TNRC6A: variants seen among roughly 807,000 people sequenced by gnomAD.
TNRC6A encodes trinucleotide repeat containing adaptor 6A, also known as trinucleotide repeat-containing gene 6A protein.
Under a neutral mutation model 221.2 loss-of-function variants are expected in TNRC6A, and 44 were observed. That is an observed-to-expected ratio of 0.20 (90% CI 0.16 to 0.26). TNRC6A has a LOEUF of 0.26. Ranked by LOEUF, TNRC6A falls within the 10% of genes least tolerant of loss-of-function variation. TNRC6A has a pLI of 1.00. For missense variants in TNRC6A, 2,199 were observed against 2,404.4 expected (o/e 0.91, Z 1.79); for synonymous variants, 847 against 838.5 (o/e 1.01, Z -0.18).
rs1025891449 is a variant in TNRC6A at position 24,791,163 on chromosome 16, G to A, written c.2521G>A (p.Asp841Asn). Reference protein sequence around the residue: ...DSQKNKQGWGDGQKSSQGWSV... With the variant: ...DSQKNKQGWGNGQKSSQGWSV... ...GCAAAAGAATAAACAGGGATGGGGT[G>A]ATGGACAAAAATCAAGCCAAGGGTG... Residue 841 changes from aspartate to asparagine, a missense_variant, in exon 6 of 25, where the codon GAT becomes AAT. By Grantham distance (23) the Asp-to-Asn change is conservative. Coordinates refer to ENST00000395799, the MANE Select transcript of TNRC6A (RefSeq NM_014494.4). 1 of 1,614,002 alleles carries A rather than the reference G, an allele frequency of 6.2e-7. No homozygotes were observed. Among genetic ancestry groups the A allele is most frequent in the Non-Finnish European group, 8.5e-7 (1 of 1,180,026 alleles).
intron 2 of TNRC6A, among the ~76,000 whole-genome samples, chr16:24,684,032 C>A (rs1316421560): frequency 1.3e-5 from 2 of 152,186 alleles, no homozygotes; most frequent in African/African-American, 4.8e-5. Context: ...TTTGTCACCA[C>A]TATTCAACTC....
Position 24,667,826 on chromosome 16 carries a change from G to T in TNRC6A, n.402+26817G>T, listed in dbSNP as rs2055204564. Among the ~76,000 whole-genome samples the T allele has an allele frequency of 2.6e-5, 4 of 152,022 alleles. No individual in the cohort carries two copies. In the South Asian group the frequency reaches 8.3e-4, roughly 32 times the overall value. Reference sequence around the variant, plus strand: ...GGCTGAGGCAGGAGGATGACTTGAGGCCAGGAGTTCAAGACCAGCCTGGGC... The same window carrying T: ...GGCTGAGGCAGGAGGATGACTTGAGTCCAGGAGTTCAAGACCAGCCTGGGC... On this transcript the variant is annotated intron_variant and non_coding_transcript_variant, in intron 2 of 2. Transcript: ENST00000566108.
chr16:24,742,879 C>T (rs144344103), intron 2 of TNRC6A, among the ~76,000 whole-genome samples: 4,575 of 152,114 alleles, frequency 0.03, 241 homozygotes, highest in African/African-American at 0.1. Flanking sequence ...GGCAGTGAGC[C>T]GAGATCGAGC....
At chr16:24,784,036 A>G (rs914794147) in intron 5 of TNRC6A, among the ~76,000 whole-genome samples, 17 of 152,112 alleles carry the variant, frequency 1.1e-4, no homozygotes, top group Admixed American at 6.6e-5. Context: ...TCGCTCTTAC[A>G]TAATGCCCAG....
At chr16:24,660,406 A>G (rs1257348316) in intron 2 of TNRC6A, among the ~76,000 whole-genome samples, 3 of 152,090 alleles carry the variant, frequency 2.0e-5, no homozygotes, top group African/African-American at 7.2e-5. Flanking sequence ...GAATGCCATT[A>G]GTTCATTCCT....
chr16:24,745,903 T>G (rs917008840), intron 2 of TNRC6A, among the ~76,000 whole-genome samples: 1 of 151,722 alleles, frequency 6.6e-6, no homozygotes, highest in Non-Finnish European at 1.5e-5. Flanking sequence ...ACACATTCAC[T>G]TAGATTTTCG....
chr16:24,744,065 T>C (rs552408687), intron 2 of TNRC6A, among the ~76,000 whole-genome samples: 13 of 152,330 alleles, frequency 8.5e-5, no homozygotes, highest in Non-Finnish European at 1.6e-4. Flanking sequence ...TTCAGGACCT[T>C]GATATTTTTA....
At chr16:24,706,563 A>G (rs1287437032) in intron 2 of TNRC6A, among the ~76,000 whole-genome samples, 6 of 152,058 alleles carry the variant, frequency 3.9e-5, no homozygotes, top group Admixed American at 3.9e-4. Context: ...TACAAAAAAT[A>G]AAATTAGCCG....
chr16:24,774,048 G>T (rs950933101), intron 4 of TNRC6A, among the ~76,000 whole-genome samples: 2 of 152,014 alleles, frequency 1.3e-5, no homozygotes, highest in African/African-American at 4.8e-5. Flanking sequence ...CCAGAATTTT[G>T]AAATTTTTTA....
chr16:24,815,734 A>G (rs2058643379), intron 19 of TNRC6A: 2 of 187,520 alleles, frequency 1.1e-5, no homozygotes, highest in South Asian at 2.2e-4. Flanking sequence ...GGGCGCCTGT[A>G]GTCCCAGCTA....
In TNRC6A at chr16:24,782,123, A is replaced by G. The variant is rs145531600; in HGVS notation, c.589+4765A>G. Reference sequence around the variant, plus strand: ...AGGCGTGAGCCACCGCGCCCGGCCAATTTTAACTCTTAAATGCCTCCCACT... The same window carrying G: ...AGGCGTGAGCCACCGCGCCCGGCCAGTTTTAACTCTTAAATGCCTCCCACT... On this transcript the variant is annotated intron_variant, in intron 5 of 24. Transcript: ENST00000395799. 3.8e-3 allele frequency among the ~76,000 whole-genome samples: 573 copies of G among 152,144 alleles called. 2 individuals carry two copies. The highest frequency in any genetic ancestry group is 4.8e-3 in the Non-Finnish European group (326 of 67,972).
intron 2 of TNRC6A, among the ~76,000 whole-genome samples, chr16:24,714,470 G>A (rs138729589): frequency 1.1e-4 from 17 of 151,708 alleles, no homozygotes; most frequent in Admixed American, 4.6e-4. Flanking sequence ...CACCAAACCC[G>A]GCTAATTTTT....
chr16:24,651,399 A>T (rs946719818), intron 2 of TNRC6A, among the ~76,000 whole-genome samples: 1 of 151,760 alleles, frequency 6.6e-6, no homozygotes, highest in Admixed American at 6.6e-5. Context: ...TCAGCCACAC[A>T]TGGTGGCCTG....
Position 24,698,211 on chromosome 16 carries a change from C to A in TNRC6A, n.403-52515C>A, listed in dbSNP as rs569543176. Among the ~76,000 whole-genome samples the A allele has an allele frequency of 1.1e-3, 164 of 152,018 alleles. 1 individual carries two copies. Among genetic ancestry groups the A allele is most frequent in the Middle Eastern group, 6.8e-3 (2 of 294 alleles). The stretch of plus-strand genomic sequence containing the variant: ...AAAAAATGCAGAATCTCAGGCCTGC[C>A]CCAGATTCCAAATCAGAATCTACAG... On this transcript the variant is annotated intron_variant and non_coding_transcript_variant, in intron 2 of 2. Coordinates refer to the TNRC6A transcript ENST00000566108.
In TNRC6A at chr16:24,635,439, C is replaced by T. The variant is rs939604213; in HGVS notation, n.277-5445C>T. Among the ~76,000 whole-genome samples, 4 of 151,924 alleles carry T rather than the reference C, an allele frequency of 2.6e-5. No individual in the cohort carries two copies. In the South Asian group the frequency reaches 6.2e-4, roughly 24 times the overall value. The stretch of plus-strand genomic sequence containing the variant: ...CTGAGATTACAGGAGCCCACCACCA[C>T]GCCCAGCTAATTTTTGTATTTTTAG... On this transcript the variant is annotated intron_variant and non_coding_transcript_variant, in intron 1 of 2. Transcript: ENST00000566108.
chr16:24,687,840 AGAG>A (rs776184150), intron 2 of TNRC6A, among the ~76,000 whole-genome samples: 7 of 143,208 alleles, frequency 4.9e-5, no homozygotes, highest in East Asian at 4.2e-4. Context: ...AGGAAGAGGA[AGAG>A]GAAGAAGAAG....
chr16:24,823,097 G>A lies in TNRC6A; in HGVS notation c.5513+84G>A. On this transcript the variant is annotated intron_variant, in intron 24 of 24. Coordinates refer to ENST00000395799, the MANE Select transcript of TNRC6A (RefSeq NM_014494.4). This position sits in a 1 kb window ranked among gnomAD's most constrained non-coding sequence, Gnocchi z 4.3. ...AGCCTGACCCGGGGCAGTGCACAGG[G>A]TCCTGCGTGGGTGGCTCCTGCTGGC... is the stretch of plus-strand genomic sequence containing the variant. 2 of 1,571,888 alleles carry A rather than the reference G, an allele frequency of 1.3e-6. No individual in the cohort carries two copies. Among genetic ancestry groups the A allele is most frequent in the Non-Finnish European group, 1.7e-6 (2 of 1,150,252 alleles).
intron 3 of TNRC6A, among the ~76,000 whole-genome samples, chr16:24,755,299 C>T (rs2057226557): frequency 6.6e-6 from 1 of 151,962 alleles, no homozygotes; most frequent in African/African-American, 2.4e-5. Context: ...TGTAGATGAT[C>T]AGAAAAAAAG....
At chr16:24,666,243 T>C (rs1335241003) in intron 2 of TNRC6A, among the ~76,000 whole-genome samples, 1 of 151,762 alleles carries the variant, frequency 6.6e-6, no homozygotes, top group East Asian at 1.9e-4. Context: ...CCAAGGCGGG[T>C]GGATCACGAG....
Sources: gnomAD v4.1 joint callset for allele counts (sites outside exome capture counted in the v4.1 genomes callset) on GRCh38, gnomAD v4.1.1 for gene constraint, Gnocchi (gnomAD v3.1) non-coding constraint, MANE v1.5 for transcripts, NCBI Gene and HGNC (gene_info 2026-07-23, HGNC 2026-07-21) for gene names.